Variants in FAM221B observed in about 807,000 individuals in gnomAD.
FAM221B encodes family with sequence similarity 221 member B, also known as protein FAM221B.
In FAM221B, 35 loss-of-function variants were observed where a neutral mutation model predicts 39.8. The observed-to-expected ratio is 0.88, with a 90% CI of 0.67 to 1.17. The LOEUF (loss-of-function observed/expected upper bound fraction) is 1.17. FAM221B is among the 50% of genes most tolerant of loss of function. FAM221B has a pLI of 0.00. For missense variants in FAM221B, 479 were observed against 503.1 expected (o/e 0.95, Z 0.46); for synonymous variants, 158 against 178.1 (o/e 0.89, Z 0.90).
At position 35,817,298 on chromosome 9, in the gene FAM221B, C is replaced by T. The variant is rs1829042353; in HGVS notation, c.*1171G>A. 6.6e-6 allele frequency: 1 copy of T among 152,282 alleles called. No individual in the cohort carries two copies. The highest frequency in any genetic ancestry group is 6.5e-5 in the Admixed American group (1 of 15,284). 9.4% of individuals were successfully genotyped at this position (152,282 alleles called of 1,614,324 possible). ...TTGCCCTCATCTGAAAGATGTTATG[C>T]TCTGCAGCCTCTGAACACTGTCTCT... On this transcript the variant is annotated 3_prime_UTR_variant, in exon 7 of 7. Transcript: ENST00000423537.
Position 35,825,362 on chromosome 9 carries a change from G to A in FAM221B, c.610C>T (p.Arg204Cys), listed in dbSNP as rs943024291. 29 of 1,613,994 alleles carry A rather than the reference G, an allele frequency of 1.8e-5. No homozygotes were observed. The highest frequency in any genetic ancestry group is 8.3e-5 in the Admixed American group (5 of 60,002). Reference protein sequence around the residue: ...QPGHQLGNTARPVFPARQTEL... With the variant: ...QPGHQLGNTACPVFPARQTEL... ...GTCTGCCTAGCAGGGAACACTGGGCGGGCTGTGTTACCTAGGATGGGAGAG... is the reference window on the plus strand; with the variant it reads ...GTCTGCCTAGCAGGGAACACTGGGCAGGCTGTGTTACCTAGGATGGGAGAG... The change falls in exon 3 of 7, where the codon CGC becomes TGC. Residue 204 changes from arginine (R) to cysteine (C), a missense_variant. By Grantham distance (180) the Arg-to-Cys change is radical. Transcript: ENST00000423537. The surrounding 1 kb of genome is among the most constrained non-coding windows in gnomAD (Gnocchi z 4.2).
intron 3 of FAM221B, among the ~76,000 whole-genome samples, chr9:35,822,731 A>G (rs1467397313): frequency 6.6e-6 from 1 of 151,972 alleles, no homozygotes; most frequent in Non-Finnish European, 1.5e-5. Context: ...GAACCTGTCC[A>G]CTTCTCTCCA....
At position 35,819,909 on chromosome 9, in the gene FAM221B, T is replaced by G; in HGVS notation, c.834A>C (p.Arg278Ser). 1 of 1,613,746 alleles carries G rather than the reference T, an allele frequency of 6.2e-7. No individual in the cohort carries two copies. Among genetic ancestry groups the G allele is most frequent in the Non-Finnish European group, 8.5e-7 (1 of 1,179,688 alleles). ...ESRCFCGHLL[R>S]EHRIISDISV... ...CCCTACCTGAGATGATCCGGTGCTCTCTCAACAAGTGTCCACAAAAGCATC... is the reference window on the plus strand; with the variant it reads ...CCCTACCTGAGATGATCCGGTGCTCGCTCAACAAGTGTCCACAAAAGCATC... The change falls in exon 4 of 7, where the codon AGA becomes AGC. Residue 278 changes from arginine (R) to serine (S), a missense_variant. Arg to Ser is a moderately radical substitution (Grantham distance 110). Coordinates refer to ENST00000423537, the MANE Select transcript of FAM221B (RefSeq NM_001012446.4).
In FAM221B at chr9:35,818,323, T is replaced by C; in HGVS notation, c.*146A>G. On this transcript the variant is annotated 3_prime_UTR_variant, in exon 7 of 7. Coordinates refer to ENST00000423537, the MANE Select transcript of FAM221B (RefSeq NM_001012446.4). ...TGAATGTGAGTGTGATGGAGGCAGA[T>C]GGCCAGATCCAGGCTTTCTCCTGTG... The C allele has an allele frequency of 1.4e-6, 1 of 736,596 alleles. No homozygotes were observed. The highest frequency in any genetic ancestry group is 2.3e-6 in the Non-Finnish European group (1 of 434,346). The allele number at this position is 736,596 out of a possible 1,614,324, so 45.6% of individuals were successfully genotyped here.
intron 3 of FAM221B, among the ~76,000 whole-genome samples, chr9:35,820,541 A>C (rs924487560): frequency 2.0e-5 from 3 of 152,126 alleles, no homozygotes; most frequent in East Asian, 3.9e-4. Context: ...GGAAGGTAGG[A>C]GGAGGGCTTC....
chr9:35,825,082 G>T lies in FAM221B; in HGVS notation c.742+148C>A. On this transcript the variant is annotated intron_variant, in intron 3 of 6. Transcript: ENST00000423537. This position sits in a 1 kb window ranked among gnomAD's most constrained non-coding sequence, Gnocchi z 4.2. ...TCTGCATCCACCCTTGTATTCCTTG[G>T]CCCACTTGCCTGCTCCTTTTCCAGG... 2.3e-6 allele frequency: 2 copies of T among 865,712 alleles called. No homozygotes were observed. The highest frequency in any genetic ancestry group is 3.5e-6 in the Non-Finnish European group (2 of 571,824). The allele number at this position is 865,712 out of a possible 1,614,324, so 53.6% of individuals were successfully genotyped here.
Position 35,825,033 on chromosome 9 carries a change from T to G in FAM221B, c.742+197A>C, listed in dbSNP as rs1004728358. ...TCAGCTACCTGTCTCTACCTGGGCT[T>G]TATATGAATCTCCCCACTTTTTGTC... On this transcript the variant is annotated intron_variant, in intron 3 of 6. Transcript: ENST00000423537. This position sits in a 1 kb window ranked among gnomAD's most constrained non-coding sequence, Gnocchi z 4.2. Among the ~76,000 whole-genome samples, 1 of 152,228 alleles carries G rather than the reference T, an allele frequency of 6.6e-6. No individual in the cohort carries two copies. The highest frequency in any genetic ancestry group is 6.5e-5 in the Admixed American group (1 of 15,288).
rs2132132604 is a variant in FAM221B at position 35,817,342 on chromosome 9, C to T, written c.*1127G>A. 6.6e-6 allele frequency: 1 copy of T among 152,362 alleles called. No individual in the cohort carries two copies. Among genetic ancestry groups the T allele is most frequent in the East Asian group, 1.9e-4 (1 of 5,200 alleles). 9.4% of individuals were successfully genotyped at this position (152,362 alleles called of 1,614,324 possible). A position where few individuals can be genotyped will look rare whatever the true frequency, so the allele number is the denominator to read the frequency against. On this transcript the variant is annotated 3_prime_UTR_variant, in exon 7 of 7. Transcript: ENST00000423537. Reference sequence around the variant, plus strand: ...TGTCTCTTGTACTCCAACCCCTGCCCCTACGTCTGCTACTGTACCTCATTA... The same window carrying T: ...TGTCTCTTGTACTCCAACCCCTGCCTCTACGTCTGCTACTGTACCTCATTA...
At chr9:35,820,886 G>T (rs927991957) in intron 3 of FAM221B, among the ~76,000 whole-genome samples, 1 of 152,056 alleles carries the variant, frequency 6.6e-6, no homozygotes, top group Non-Finnish European at 1.5e-5. Context: ...AACTGAGGGA[G>T]GATAACCAGA....
Position 35,819,994 on chromosome 9 carries a change from T to C in FAM221B, c.749A>G (p.Tyr250Cys), listed in dbSNP as rs1346432822. ...GTAATGGGGGCAGCGCCAGCCAATG[T>C]AGAGACCTAGGTATGCAGGATTAAA... is the stretch of plus-strand genomic sequence containing the variant. ...AALNAIQTGL[Y>C]IGWRCPHYLW... The change falls in exon 4 of 7, where the codon TAC becomes TGC. Residue 250 changes from tyrosine (Y) to cysteine (C), a missense_variant. Coordinates refer to ENST00000423537, the MANE Select transcript of FAM221B (RefSeq NM_001012446.4). 8 of 1,611,492 alleles carry C rather than the reference T, an allele frequency of 5.0e-6. No homozygotes were observed. In the South Asian group the frequency reaches 5.5e-5, roughly 11 times the overall value.
At position 35,819,934 on chromosome 9, in the gene FAM221B, C is replaced by G; in HGVS notation, c.809G>C (p.Arg270Thr). 3.1e-6 allele frequency: 5 copies of G among 1,609,466 alleles called. No individual in the cohort carries two copies. Among genetic ancestry groups the G allele is most frequent in the Non-Finnish European group, 4.2e-6 (5 of 1,176,988 alleles). The change falls in exon 4 of 7, where the codon AGA becomes ACA. Residue 270 changes from arginine (R) to threonine (T), a missense_variant. By Grantham distance (71) the Arg-to-Thr change is moderately conservative. Coordinates refer to ENST00000423537, the MANE Select transcript of FAM221B (RefSeq NM_001012446.4). ...TCTCAACAAGTGTCCACAAAAGCAT[C>G]TGGACTCATCCCCAATCCGGAAACA... ...WDCFRIGDESRCFCGHLLREH... is the reference protein window; with the variant it reads ...WDCFRIGDESTCFCGHLLREH...
At chr9:35,826,519 TA>T in intron 1 of FAM221B, among the ~76,000 whole-genome samples, 1 of 152,230 alleles carries the variant, frequency 6.6e-6, no homozygotes, top group South Asian at 2.1e-4. Context: ...TGGCATATCT[TA>T]AAACCCTGGA....
intron 1 of FAM221B, 82 bp from the exon 2 acceptor site, chr9:35,826,243 G>A: frequency 9.5e-7 from 1 of 1,049,776 alleles, no homozygotes; most frequent in Non-Finnish European, 1.4e-6. Flanking sequence ...GGTTCGCAGT[G>A]CATTATGGAA....
In FAM221B at chr9:35,819,405, G is replaced by A. The variant is rs765761750; in HGVS notation, c.854-11C>T. On this transcript the variant is annotated splice_polypyrimidine_tract_variant and intron_variant, in intron 4 of 6. Transcript: ENST00000423537. ...AGGGCACCGATATGTCTGTGGGATT[G>A]GGGATGGATGGTAGGGTTAATCTGA... 13 of 1,549,586 alleles carry A rather than the reference G, an allele frequency of 8.4e-6. No individual in the cohort carries two copies. Among genetic ancestry groups the A allele is most frequent in the African/African-American group, 1.4e-5 (1 of 73,012 alleles).
intron 3 of FAM221B, among the ~76,000 whole-genome samples, 180 bp from the exon 4 acceptor site, chr9:35,820,180 G>T (rs1377571270): frequency 1.3e-5 from 2 of 152,102 alleles, no homozygotes; most frequent in African/African-American, 4.8e-5. Flanking sequence ...TTTCCTCAGG[G>T]TTTTCTCATT....
intron 4 of FAM221B, 58 bp downstream of exon 4, chr9:35,819,832 C>G: frequency 2.2e-6 from 3 of 1,339,588 alleles, no homozygotes; most frequent in Non-Finnish European, 3.2e-6. Context: ...CTTCCCAAGA[C>G]ATGACAGAGT....
rs1034473957 is a variant in FAM221B, at chr9:35,816,455, A to G, written c.*2014T>C. 1 of 151,654 alleles carries G rather than the reference A, an allele frequency of 6.6e-6. No individual in the cohort carries two copies. The highest frequency in any genetic ancestry group is 2.4e-5 in the African/African-American group (1 of 41,276). 9.4% of individuals were successfully genotyped at this position (151,654 alleles called of 1,614,324 possible). A position where few individuals can be genotyped will look rare whatever the true frequency, so the allele number is the denominator to read the frequency against. ...ATAGGTGGTCAGTAATTGTTGAATG[A>G]ATAACATTTGGTGTTTCCTGTCTTT... On this transcript the variant is annotated 3_prime_UTR_variant, in exon 7 of 7. Coordinates refer to ENST00000423537, the MANE Select transcript of FAM221B (RefSeq NM_001012446.4).
In FAM221B at chr9:35,826,047, A is replaced by G; in HGVS notation, c.115T>C (p.Phe39Leu). The stretch of plus-strand genomic sequence containing the variant: ...GTCTCAGAGGTGGAAGGCTTCAAGA[A>G]GCTTTCAGAGATATGGTTCTCCTGT... ...DLQENHISES[F>L]LKPSTSETPL... Residue 39 changes from phenylalanine (F) to leucine (L), a missense_variant, in exon 2 of 7, where the codon TTC becomes CTC. By Grantham distance (22) the Phe-to-Leu change is conservative (BLOSUM62 0). Transcript: ENST00000423537. 6.2e-7 allele frequency: 1 copy of G among 1,614,108 alleles called. No individual in the cohort carries two copies.
intron 3 of FAM221B, among the ~76,000 whole-genome samples, chr9:35,820,523 C>T (rs1364835559): frequency 6.6e-6 from 1 of 152,146 alleles, no homozygotes; most frequent in Non-Finnish European, 1.5e-5. Context: ...TTGGATAGCT[C>T]TGGTGCTGGA....
Sources: gnomAD v4.1 joint callset for allele counts (sites outside exome capture counted in the v4.1 genomes callset) on GRCh38, gnomAD v4.1.1 for gene constraint, Gnocchi (gnomAD v3.1) non-coding constraint, MANE v1.5 for transcripts, NCBI Gene and HGNC (gene_info 2026-07-23, HGNC 2026-07-21) for gene names.